The following OR2T12 variants were observed in gnomAD, a reference collection of about 807,000 sequenced individuals.
OR2T12 encodes the protein olfactory receptor family 2 subfamily T member 12.
For missense variants in OR2T12, 335 were observed against 404.3 expected, an observed-to-expected ratio of 0.83 and a Z score of 1.47; for synonymous variants, 127 against 160.5, an observed-to-expected ratio of 0.79 and a Z score of 1.58.
At chr1:248,299,847 G>A (rs537693492) in intron 2 of OR2T12, among the ~76,000 whole-genome samples, 6 of 152,120 alleles carry the variant, frequency 3.9e-5, no homozygotes, top group South Asian at 2.1e-4. Context: ...CTCAGACCAC[G>A]GTGCAATCAA....
Position 248,294,576 on chromosome 1 carries a change from T to A in OR2T12, c.*40A>T, listed in dbSNP as rs772668158. 3 of 1,580,732 alleles carry A rather than the reference T, an allele frequency of 1.9e-6. No homozygotes were observed. The highest frequency in any genetic ancestry group is 1.9e-5 in the Admixed American group (1 of 53,888). On this transcript the variant is annotated 3_prime_UTR_variant, in exon 3 of 3. Coordinates refer to ENST00000641276, the MANE Select transcript of OR2T12 (RefSeq NM_001004692.2). ...GGGAGAGAATTACATAGTGTTAAAATGTTAATAAATTCAGGAACTTAGACT... is the reference window on the plus strand; with the variant it reads ...GGGAGAGAATTACATAGTGTTAAAAAGTTAATAAATTCAGGAACTTAGACT...
chr1:248,297,144 G>T (rs912541398), intron 2 of OR2T12, among the ~76,000 whole-genome samples: 6 of 151,876 alleles, frequency 4.0e-5, no homozygotes, highest in African/African-American at 1.5e-4. Context: ...TCTCAGGTTG[G>T]TCAAAGATCA....
intron 2 of OR2T12, among the ~76,000 whole-genome samples, chr1:248,299,369 AG>A (rs1659780745): frequency 6.6e-6 from 1 of 152,222 alleles, no homozygotes; most frequent in Admixed American, 6.5e-5. Context: ...AAACAAAAAA[AG>A]GCAGGGGTTG....
chr1:248,296,327 T>G (rs1351334157), intron 2 of OR2T12, among the ~76,000 whole-genome samples: 1 of 152,156 alleles, frequency 6.6e-6, no homozygotes, highest in Non-Finnish European at 1.5e-5. Context: ...GTGTGCATGT[T>G]TCTTTATAGC....
At chr1:248,303,136 T>C (rs571381894) in intron 1 of OR2T12, among the ~76,000 whole-genome samples, 1 of 152,302 alleles carries the variant, frequency 6.6e-6, no homozygotes, top group South Asian at 2.1e-4. Context: ...TTATCCCATC[T>C]TTCACATTGA....
In OR2T12 at chr1:248,294,745, C is replaced by A; in HGVS notation, c.834G>T (p.Met278Ile). ...HDKVVSAFYTMFTPLLNPLIY... is the reference protein window; with the variant it reads ...HDKVVSAFYTIFTPLLNPLIY... ...TGAGGGGATTTAGTAAAGGGGTGAA[C>A]ATAGTATAGAAGGCTGACACAACCT... Residue 278 changes from methionine (M) to isoleucine (I), a missense_variant, in exon 3 of 3, where the codon ATG becomes ATT. By Grantham distance (10) the Met-to-Ile change is conservative. Transcript: ENST00000641276. 6.2e-7 allele frequency: 1 copy of A among 1,613,980 alleles called. No homozygotes were observed. The highest frequency in any genetic ancestry group is 1.1e-5 in the South Asian group (1 of 91,070).
At chr1:248,302,986 T>A (rs1224832200) in intron 1 of OR2T12, among the ~76,000 whole-genome samples, 1 of 152,106 alleles carries the variant, frequency 6.6e-6, no homozygotes, top group Non-Finnish European at 1.5e-5. Context: ...TACAATTATT[T>A]AAAGAAAAGA....
chr1:248,294,606 T>A lies in OR2T12; in HGVS notation c.*10A>T. ...ATAAATTCAGGAACTTAGACTCATC[T>A]GACACTAGATCATCTTGACCTGTGG... On this transcript the variant is annotated 3_prime_UTR_variant, in exon 3 of 3. Coordinates refer to ENST00000641276, the MANE Select transcript of OR2T12 (RefSeq NM_001004692.2). 1.2e-6 allele frequency: 2 copies of A among 1,611,358 alleles called. No individual in the cohort carries two copies. The highest frequency in any genetic ancestry group is 1.1e-5 in the South Asian group (1 of 90,876).
chr1:248,302,898 A>C (rs959304387), intron 1 of OR2T12, among the ~76,000 whole-genome samples: 15 of 152,276 alleles, frequency 9.9e-5, no homozygotes, highest in Non-Finnish European at 1.9e-4. Flanking sequence ...AGAGTGACAC[A>C]GTCTCATGTC....
At chr1:248,299,019 AGAGCT>A (rs1396388315) in intron 2 of OR2T12, among the ~76,000 whole-genome samples, 1 of 152,202 alleles carries the variant, frequency 6.6e-6, no homozygotes, top group Non-Finnish European at 1.5e-5. Flanking sequence ...CTGCCCTAAA[AGAGCT>A]CCTGAAGGAA....
At chr1:248,299,012 C>A (rs201644186) in intron 2 of OR2T12, among the ~76,000 whole-genome samples, 1 of 152,202 alleles carries the variant, frequency 6.6e-6, no homozygotes, top group Admixed American at 6.5e-5. Context: ...ACCAGGCCTG[C>A]CCTAAAAGAG....
chr1:248,299,044 A>G (rs189684410), intron 2 of OR2T12, among the ~76,000 whole-genome samples: 19 of 152,324 alleles, frequency 1.2e-4, no homozygotes, highest in African/African-American at 4.6e-4. Flanking sequence ...AGCACTAAAC[A>G]TGGAAAGGAA....
At chr1:248,295,656 G>A in intron 2 of OR2T12, 70 bp from the exon 3 acceptor site, 8 of 1,510,172 alleles carry the variant, frequency 5.3e-6, no homozygotes, top group South Asian at 2.7e-5. Flanking sequence ...CTGTTTGACT[G>A]CACAGTTTCT....
rs10788769 is a variant in OR2T12, at chr1:248,294,124, C to T, written c.*492G>A. 120,159 of 154,136 alleles carry T rather than the reference C, an allele frequency of 0.78. 47,084 individuals are homozygous for T. Among genetic ancestry groups the T allele is most frequent in the South Asian group, 0.88 (4,375 of 5,000 alleles). The allele number at this position is 154,136 out of a possible 1,614,324, so 9.5% of individuals were successfully genotyped here. A position where few individuals can be genotyped will look rare whatever the true frequency, so the allele number is the denominator to read the frequency against. ...ATACATTATTGAACAGAAATAAACTCTTCCAGGTTAGGGTACAAGCTTTGG... is the reference window on the plus strand; with the variant it reads ...ATACATTATTGAACAGAAATAAACTTTTCCAGGTTAGGGTACAAGCTTTGG... On this transcript the variant is annotated 3_prime_UTR_variant, in exon 3 of 3. Transcript: ENST00000641276.
At chr1:248,302,383 T>C (rs1477013487) in intron 1 of OR2T12, among the ~76,000 whole-genome samples, 1 of 152,070 alleles carries the variant, frequency 6.6e-6, no homozygotes, top group Non-Finnish European at 1.5e-5. Flanking sequence ...TTTAAACATA[T>C]ATACATAAAT....
chr1:248,301,628 G>C (rs1659812549), intron 1 of OR2T12, 75 bp from the exon 2 acceptor site: 1 of 152,032 alleles, frequency 6.6e-6, no homozygotes, highest in African/African-American at 2.4e-5. Context: ...AAAATATTTT[G>C]AACTCTGCAT....
At chr1:248,301,685 T>C (rs1298053854) in intron 1 of OR2T12, 132 bp from the exon 2 acceptor site, 3 of 152,156 alleles carry the variant, frequency 2.0e-5, no homozygotes, top group Non-Finnish European at 4.4e-5. Context: ...AATTTTATGC[T>C]TCTAATTTTA....
At chr1:248,298,952 G>A (rs1659774598) in intron 2 of OR2T12, among the ~76,000 whole-genome samples, 1 of 152,076 alleles carries the variant, frequency 6.6e-6, no homozygotes, top group Non-Finnish European at 1.5e-5. Flanking sequence ...ATAAGTGAAG[G>A]AGAAATAAAA....
Position 248,294,837 on chromosome 1 carries a change from G to C in OR2T12, c.742C>G (p.Leu248Val), listed in dbSNP as rs1294723933. ...GTAAAAATGCCAGCTCCATAAAAGA[G>C]TCCCACCACAGCCACATGTGAAGAG... ...TCSSHVAVVG[L>V]FYGAGIFTYM... The change falls in exon 3 of 3, where the codon CTC (leucine) becomes GTC (valine). Residue 248 changes from leucine (L) to valine (V), a missense_variant. By Grantham distance (32) the Leu-to-Val change is conservative. Transcript: ENST00000641276. The C allele has an allele frequency of 2.3e-5, 37 of 1,612,972 alleles. No individual in the cohort carries two copies. Among genetic ancestry groups the C allele is most frequent in the Non-Finnish European group, 2.9e-5 (34 of 1,179,860 alleles).
Sources: allele counts gnomAD v4.1 joint callset (sites outside exome capture counted in the v4.1 genomes callset), GRCh38; gene constraint gnomAD v4.1.1; transcripts MANE v1.5; gene names NCBI Gene and HGNC (gene_info 2026-07-23, HGNC 2026-07-21).